ITGAM: variants seen among roughly 807,000 people sequenced by gnomAD.
The protein encoded by ITGAM is integrin subunit alpha M.
Under a neutral mutation model 137.5 loss-of-function variants are expected in ITGAM, and 79 were observed. The ratio of observed to expected loss-of-function variants is 0.57; its 90% CI spans 0.48 to 0.69. ITGAM has a LOEUF of 0.69. Ranked by LOEUF, ITGAM falls within the 30% of genes least tolerant of loss-of-function variation. The pLI is 0.00. For synonymous variants in ITGAM, 583 were observed against 592.3 expected (o/e 0.98, Z 0.23); for missense variants, 1,343 against 1,483.5 (o/e 0.91, Z 1.56).
chr16:31,260,950 T>G (rs2079691778), intron 1 of ITGAM, among the ~76,000 whole-genome samples: 1 of 152,272 alleles, frequency 6.6e-6, no homozygotes, highest in South Asian at 2.1e-4. Flanking sequence ...ATGTTTGAAA[T>G]TTCCCTAATG....
intron 2 of ITGAM, among the ~76,000 whole-genome samples, chr16:31,263,608 T>TA (rs1178014425): frequency 2.6e-5 from 4 of 151,778 alleles, no homozygotes; most frequent in South Asian, 2.1e-4. Context: ...CTTTTTTTTT[T>TA]ATGAGAGAGG....
chr16:31,276,800 A>C (rs9939679), intron 10 of ITGAM, 56 bp downstream of exon 10: 207,819 of 1,537,852 alleles, frequency 0.14, 16,845 homozygotes, highest in African/African-American at 0.36. Context: ...AAGAAGAGAT[A>C]GGAGAGATGT....
At position 31,331,977 on chromosome 16, in the gene ITGAM, G is replaced by A. The variant is rs1004315738; in HGVS notation, c.*270G>A. The A allele has an allele frequency of 5.9e-6, 3 of 511,996 alleles. No individual in the cohort carries two copies. The African/African-American group carries it at 5.9e-5, about 10-fold the overall frequency. 31.7% of individuals were successfully genotyped at this position (511,996 alleles called of 1,614,324 possible). On this transcript the variant is annotated 3_prime_UTR_variant, in exon 30 of 30. Transcript: ENST00000544665. Reference sequence around the variant, plus strand: ...TGTGAGTGTGTCCAAGTGTGTGTGCGTGTGTCCATGTGTGTGCAAGTGTGT... The same window carrying A: ...TGTGAGTGTGTCCAAGTGTGTGTGCATGTGTCCATGTGTGTGCAAGTGTGT...
intron 12 of ITGAM, among the ~76,000 whole-genome samples, chr16:31,279,234 A>G (rs895577786): frequency 6.8e-4 from 104 of 152,236 alleles, no homozygotes; most frequent in Non-Finnish European, 1.3e-3. Context: ...ATGATTTATA[A>G]TTCTTTGGGT....
intron 14 of ITGAM, among the ~76,000 whole-genome samples, chr16:31,302,072 G>C (rs2080202306): frequency 6.6e-6 from 1 of 152,114 alleles, no homozygotes; most frequent in Admixed American, 6.5e-5. Context: ...AATAGCTCAT[G>C]CTCATGGTTC....
In ITGAM at chr16:31,275,842, A is replaced by C; in HGVS notation, c.1009+143A>C. On this transcript the variant is annotated intron_variant, in intron 9 of 29. Transcript: ENST00000544665. ...TCCACTTCCTACAGCTCCCAGTCCCAGCCTCACTTGGTCAATTCCTTTGAA... is the reference window on the plus strand; with the variant it reads ...TCCACTTCCTACAGCTCCCAGTCCCCGCCTCACTTGGTCAATTCCTTTGAA... The C allele has an allele frequency of 8.0e-6, 6 of 751,292 alleles. 1 individual carries two copies. The allele number at this position is 751,292 out of a possible 1,614,324, so 46.5% of individuals were successfully genotyped here.
chr16:31,274,539 CAG>C (rs2079884964), intron 8 of ITGAM, among the ~76,000 whole-genome samples: 2 of 152,180 alleles, frequency 1.3e-5, no homozygotes, highest in Admixed American at 1.3e-4. Context: ...TGAGAACAGA[CAG>C]AGAAGAATGT....
At chr16:31,265,587 G>T in intron 3 of ITGAM, 89 bp downstream of exon 3, 1 of 926,708 alleles carries the variant, frequency 1.1e-6, no homozygotes, top group East Asian at 2.6e-5. Context: ...GGGGATCTGT[G>T]GTGGGGACAC....
intron 14 of ITGAM, among the ~76,000 whole-genome samples, chr16:31,315,561 G>A (rs1403167813): frequency 2.0e-5 from 3 of 152,102 alleles, no homozygotes; most frequent in African/African-American, 7.2e-5. Context: ...GGGTCCCAGC[G>A]ATTCTCCTGC....
intron 12 of ITGAM, among the ~76,000 whole-genome samples, chr16:31,280,060 T>C (rs191984194): frequency 3.2e-4 from 48 of 152,326 alleles, no homozygotes; most frequent in Admixed American, 2.7e-3. Flanking sequence ...TGTGTGGTAT[T>C]ATTTCTGAGG....
chr16:31,270,699 G>GCATATATA (rs1555464797), intron 5 of ITGAM, among the ~76,000 whole-genome samples: 1 of 25,998 alleles, frequency 3.8e-5, no homozygotes, highest in Non-Finnish European at 7.8e-5. Context: ...GTGTGTGTGT[G>GCATATATA]TATATATATA....
chr16:31,297,616 C>A lies in ITGAM; in HGVS notation c.1459C>A (p.Arg487=), dbSNP rs368391866. 29 of 1,613,170 alleles carry A rather than the reference C, an allele frequency of 1.8e-5. 1 individual carries two copies. In the Admixed American group the frequency reaches 1.8e-4, roughly 10 times the overall value. ...GGCCCCCCATTACTACGAGCAGACC[C>A]GAGGGGGCCAGGTGTCCGTGTGCCC... ...IGAPHYYEQT[R]GGQVSVCPLP... Residue 487 remains arginine (R), a synonymous_variant, in exon 13 of 30, where the codon CGA becomes AGA. Transcript: ENST00000544665.
chr16:31,274,360 G>A (rs1218606861), intron 8 of ITGAM, among the ~76,000 whole-genome samples: 1 of 152,210 alleles, frequency 6.6e-6, no homozygotes, highest in Non-Finnish European at 1.5e-5. Context: ...CTCCTGGTCT[G>A]GGCCCAAGGG....
At chr16:31,263,680 T>TA (rs1458776145) in intron 2 of ITGAM, among the ~76,000 whole-genome samples, 1 of 149,212 alleles carries the variant, frequency 6.7e-6, no homozygotes, top group Non-Finnish European at 1.5e-5. Context: ...TTTTTTTTTT[T>TA]ACTAGTTTGT....
At position 31,261,754 on chromosome 16, in the gene ITGAM, G is replaced by C; in HGVS notation, c.91G>C (p.Ala31Pro). ...AAACGCAATGACCTTCCAAGAGAAC[G>C]CAAGGGGCTTCGGGCAGAGCGTGGT... Reference protein sequence around the residue: ...TENAMTFQENARGFGQSVVQL... With the variant: ...TENAMTFQENPRGFGQSVVQL... The change falls in exon 2 of 30, where the codon GCA (alanine) becomes CCA (proline). Residue 31 changes from alanine to proline, a missense_variant. Physicochemically the swap from Ala to Pro is conservative, Grantham distance 27. Coordinates refer to ENST00000544665, the MANE Select transcript of ITGAM (RefSeq NM_000632.4). The C allele has an allele frequency of 1.2e-6, 2 of 1,613,230 alleles. No homozygotes were observed. The highest frequency in any genetic ancestry group is 1.7e-6 in the Non-Finnish European group (2 of 1,179,608).
chr16:31,274,646 G>T (rs2079887022), intron 8 of ITGAM, among the ~76,000 whole-genome samples: 1 of 150,096 alleles, frequency 6.7e-6, no homozygotes, highest in Non-Finnish European at 1.5e-5. Flanking sequence ...ACTGAGTCTT[G>T]CTCTATCGCT....
intron 5 of ITGAM, 62 bp downstream of exon 5, chr16:31,266,209 T>A (rs2079766052): frequency 8.6e-7 from 1 of 1,157,318 alleles, no homozygotes; most frequent in Non-Finnish European, 1.3e-6. Flanking sequence ...GGGGCAGGAC[T>A]GAGGTGACGT....
rs538877824 is a variant in ITGAM, at chr16:31,325,553, C to T, written c.2559C>T (p.Thr853=). ...TGGCCTGTGAGTCTGCCTCCTCCAC[C>T]GAAGTGTCTGGGGCCTTGAAGAGCA... ...WRLACESASS[T]EVSGALKSTS... Residue 853 remains threonine, a synonymous_variant, in exon 21 of 30, where the codon ACC becomes ACT. Transcript: ENST00000544665. 33 of 1,613,980 alleles carry T rather than the reference C, an allele frequency of 2.0e-5. No homozygotes were observed. Among genetic ancestry groups the T allele is most frequent in the Non-Finnish European group, 2.5e-5 (29 of 1,179,882 alleles).
chr16:31,329,522 G>A (rs1231877286), intron 24 of ITGAM, among the ~76,000 whole-genome samples: 1 of 152,156 alleles, frequency 6.6e-6, no homozygotes, highest in Non-Finnish European at 1.5e-5. Context: ...GACTCTGTGG[G>A]GCACTGTCAT....
Sources: allele counts gnomAD v4.1 joint callset (sites outside exome capture counted in the v4.1 genomes callset), GRCh38; gene constraint gnomAD v4.1.1; transcripts MANE v1.5; gene names NCBI Gene and HGNC (gene_info 2026-07-23, HGNC 2026-07-21).